ST6GALNAC3: variants seen among roughly 807,000 people sequenced by gnomAD.
ST6GALNAC3 encodes ST6 N-acetylgalactosaminide alpha-2,6-sialyltransferase 3.
A neutral mutation model predicts 32.7 loss-of-function variants in ST6GALNAC3; 25 were observed. The observed-to-expected ratio is 0.76, with a 90% CI of 0.56 to 1.07. The LOEUF (loss-of-function observed/expected upper bound fraction) is 1.07, where lower values mean the gene tolerates loss of function less well. ST6GALNAC3 is among the 50% of genes least tolerant of loss of function. ST6GALNAC3 has a pLI of 0.00. For synonymous variants in ST6GALNAC3, 129 were observed against 133.1 expected (o/e 0.97, Z 0.21); for missense variants, 355 against 382.4 (o/e 0.93, Z 0.60).
chr1:76,200,715 C>T (rs1654468484), intron 1 of ST6GALNAC3, among the ~76,000 whole-genome samples: 1 of 152,090 alleles, frequency 6.6e-6, no homozygotes, highest in South Asian at 2.1e-4. Flanking sequence ...TAATCTCACA[C>T]AAGTTTGAAA....
At chr1:76,153,045 G>A (rs1299123205) in intron 1 of ST6GALNAC3, among the ~76,000 whole-genome samples, 1 of 152,156 alleles carries the variant, frequency 6.6e-6, no homozygotes, top group Non-Finnish European at 1.5e-5. Context: ...GAAGATATTG[G>A]ATACAACTGG....
At chr1:76,588,185 G>T (rs1427985481) in intron 3 of ST6GALNAC3, among the ~76,000 whole-genome samples, 2 of 151,990 alleles carry the variant, frequency 1.3e-5, no homozygotes, top group Non-Finnish European at 2.9e-5. Flanking sequence ...GTAGCCACAG[G>T]TAGTTTTTTT....
chr1:76,503,669 C>T (rs1661311015), intron 3 of ST6GALNAC3, among the ~76,000 whole-genome samples: 1 of 152,198 alleles, frequency 6.6e-6, no homozygotes. Flanking sequence ...GTGCTAGACA[C>T]TGTTAGTGAC....
At chr1:76,495,493 T>A (rs1223050251) in intron 3 of ST6GALNAC3, among the ~76,000 whole-genome samples, 1 of 151,964 alleles carries the variant, frequency 6.6e-6, no homozygotes, top group African/African-American at 2.4e-5. Flanking sequence ...TAGTTTAATT[T>A]AAAAAAAATT....
intron 3 of ST6GALNAC3, among the ~76,000 whole-genome samples, chr1:76,545,113 G>A (rs1304337848): frequency 1.3e-5 from 2 of 152,184 alleles, no homozygotes; most frequent in East Asian, 1.9e-4. Context: ...GTAGCAGAAA[G>A]TCTTGTCCAC....
intron 3 of ST6GALNAC3, among the ~76,000 whole-genome samples, chr1:76,456,149 G>T (rs1657769666): frequency 6.6e-6 from 1 of 152,126 alleles, no homozygotes; most frequent in Non-Finnish European, 1.5e-5. Context: ...TCCAGACTGG[G>T]CGACAGAGTG....
chr1:76,158,832 C>T, intron 1 of ST6GALNAC3, among the ~76,000 whole-genome samples: 1 of 152,152 alleles, frequency 6.6e-6, no homozygotes, highest in East Asian at 1.9e-4. Flanking sequence ...CCATACACTC[C>T]TGTGTGCTTA....
At chr1:76,329,681 T>A (rs948808758) in intron 2 of ST6GALNAC3, among the ~76,000 whole-genome samples, 1 of 152,216 alleles carries the variant, frequency 6.6e-6, no homozygotes, top group Non-Finnish European at 1.5e-5. Context: ...TAACTAATAA[T>A]TATAAACACA....
intron 3 of ST6GALNAC3, among the ~76,000 whole-genome samples, chr1:76,427,627 G>GTTT (rs779142747): frequency 6.6e-6 from 1 of 152,124 alleles, no homozygotes; most frequent in Non-Finnish European, 1.5e-5. Flanking sequence ...AATTAGGTTA[G>GTTT]TTTTACCATC....
At chr1:76,224,642 G>T (rs74488950) in intron 1 of ST6GALNAC3, among the ~76,000 whole-genome samples, 1 of 152,168 alleles carries the variant, frequency 6.6e-6, no homozygotes, top group Non-Finnish European at 1.5e-5. Context: ...TGAAACAAAA[G>T]ATTTCTGGTG....
At chr1:76,450,451 G>T (rs540462234) in intron 3 of ST6GALNAC3, among the ~76,000 whole-genome samples, 1 of 152,016 alleles carries the variant, frequency 6.6e-6, no homozygotes, top group Non-Finnish European at 1.5e-5. Flanking sequence ...TGAGTTCCTC[G>T]TAGATTCTGG....
intron 1 of ST6GALNAC3, among the ~76,000 whole-genome samples, chr1:76,091,961 G>T (rs112707301): frequency 2.0e-5 from 3 of 152,326 alleles, no homozygotes; most frequent in African/African-American, 7.2e-5. Context: ...TCATCCTGCT[G>T]TGAGTTTGGA....
chr1:76,136,069 G>A lies in ST6GALNAC3; in HGVS notation c.18+61185G>A, dbSNP rs574349519. On this transcript the variant is annotated intron_variant, in intron 1 of 4. Coordinates refer to ENST00000328299, the MANE Select transcript of ST6GALNAC3 (RefSeq NM_152996.4). ...CTGCACAGGGCTGGGAAGCTGCACC[G>A]CCCACCTCTAACAGGCTCACAGCAG... Among the ~76,000 whole-genome samples the A allele has an allele frequency of 1.7e-3, 258 of 152,246 alleles. 1 individual carries two copies. The highest frequency in any genetic ancestry group is 4.7e-3 in the African/African-American group (194 of 41,536).
At chr1:76,437,579 TC>T (rs1656232988) in intron 3 of ST6GALNAC3, among the ~76,000 whole-genome samples, 1 of 93,918 alleles carries the variant, frequency 1.1e-5, no homozygotes, top group African/African-American at 4.1e-5. Context: ...CTTTTTTTTT[TC>T]TCTTTTTTTT....
At chr1:76,614,137 A>G (rs1648120909) in intron 3 of ST6GALNAC3, among the ~76,000 whole-genome samples, 1 of 152,246 alleles carries the variant, frequency 6.6e-6, no homozygotes, top group South Asian at 2.1e-4. Context: ...TGTGCCAGAC[A>G]TAGTTGACTT....
chr1:76,239,737 G>C (rs1219822765), intron 1 of ST6GALNAC3, among the ~76,000 whole-genome samples: 1 of 152,156 alleles, frequency 6.6e-6, no homozygotes, highest in African/African-American at 2.4e-5. Flanking sequence ...ATGAGATTTG[G>C]AGGGGACAAA....
intron 1 of ST6GALNAC3, among the ~76,000 whole-genome samples, chr1:76,237,297 C>T (rs1279250721): frequency 2.0e-5 from 3 of 152,164 alleles, no homozygotes; most frequent in Non-Finnish European, 4.4e-5. Flanking sequence ...CCACGCCGGG[C>T]TAATTTTTGT....
At chr1:76,479,137 C>A (rs1223012316) in intron 3 of ST6GALNAC3, among the ~76,000 whole-genome samples, 1 of 152,152 alleles carries the variant, frequency 6.6e-6, no homozygotes, top group East Asian at 1.9e-4. Flanking sequence ...TGTAACAGAA[C>A]TAAATACTTT....
rs573739326 is a variant in ST6GALNAC3, at chr1:76,112,615, C to T, written c.18+37731C>T. ...TGCCGCGCGGAGGGGCTCCTCACTT[C>T]TCAGACGGGGCGGTTGCTGGGCGGA... On this transcript the variant is annotated intron_variant, in intron 1 of 4. Transcript: ENST00000328299. Among the ~76,000 whole-genome samples the T allele has an allele frequency of 1.9e-3, 282 of 151,600 alleles. 1 individual carries two copies. Among genetic ancestry groups the T allele is most frequent in the African/African-American group, 6.6e-3 (273 of 41,220 alleles).
Sources: allele counts gnomAD v4.1 joint callset (sites outside exome capture counted in the v4.1 genomes callset), GRCh38; gene constraint gnomAD v4.1.1; transcripts MANE v1.5; gene names NCBI Gene and HGNC (gene_info 2026-07-23, HGNC 2026-07-21).